The following ERAP1 variants were observed in gnomAD, a reference collection of about 807,000 sequenced individuals.
ERAP1 encodes the protein endoplasmic reticulum aminopeptidase 1.
Under a neutral mutation model 103.7 loss-of-function variants are expected in ERAP1, and 86 were observed. That is an observed-to-expected ratio of 0.83 (90% CI 0.70 to 0.99). ERAP1 has a LOEUF of 0.99. Among genes scored for constraint, ERAP1 ranks in the 50% least tolerant of loss-of-function variants. The pLI is 0.00. For synonymous variants in ERAP1, 398 were observed against 402.4 expected (o/e 0.99, Z 0.13); for missense variants, 1,009 against 1,128.4 (o/e 0.89, Z 1.52).
At chr5:96,826,939 T>C in the ERAP1 span, among the ~76,000 whole-genome samples, 1 of 152,236 alleles carries the variant, frequency 6.6e-6, no homozygotes, top group East Asian at 1.9e-4. Context: ...ATATTTTTAG[T>C]GCAAGGAATA....
At chr5:96,902,521 T>C in the ERAP1 span, 6 of 531,042 alleles carry the variant, frequency 1.1e-5, no homozygotes, top group Middle Eastern at 4.7e-4. Flanking sequence ...TAAGAAAATC[T>C]GGATTTTTCA....
the ERAP1 span, among the ~76,000 whole-genome samples, chr5:96,887,812 T>C: frequency 6.6e-6 from 1 of 151,944 alleles, no homozygotes; most frequent in African/African-American, 2.4e-5. Flanking sequence ...TTTTAAAGAG[T>C]TATAAAATAA....
chr5:96,909,173 G>A, the ERAP1 span: 2 of 1,556,062 alleles, frequency 1.3e-6, no homozygotes, highest in Non-Finnish European at 1.8e-6. Flanking sequence ...TGGAGTATCA[G>A]TCAGGCTCAG....
chr5:96,831,782 T>C, the ERAP1 span, among the ~76,000 whole-genome samples: 17,517 of 152,236 alleles, frequency 0.12, 1,295 homozygotes, highest in Middle Eastern at 0.24. Flanking sequence ...CATGGTGAAG[T>C]AGAGAAGCAG....
the ERAP1 span, among the ~76,000 whole-genome samples, chr5:96,933,293 T>C: frequency 1.7e-4 from 24 of 144,312 alleles, no homozygotes; most frequent in African/African-American, 5.6e-4. Flanking sequence ...TCTTGGTTCA[T>C]CACAACCTCC....
downstream of ERAP1, chr5:96,774,358 T>TTTAA: frequency 3.4e-6 from 1 of 294,018 alleles, no homozygotes; most frequent in Non-Finnish European, 5.1e-6. Context: ...TGCCTTCTTT[T>TTTAA]TTAATTAGAA....
At chr5:96,874,424 A>G in the ERAP1 span, among the ~76,000 whole-genome samples, 1 of 152,190 alleles carries the variant, frequency 6.6e-6, no homozygotes, top group South Asian at 2.1e-4. Context: ...GTGACAAGGA[A>G]TATCACAGAA....
chr5:96,817,910 G>A, the ERAP1 span, among the ~76,000 whole-genome samples: 5 of 152,338 alleles, frequency 3.3e-5, no homozygotes, highest in East Asian at 7.7e-4. Context: ...AAAATAAAGT[G>A]TTTGCTTTCC....
intron 19 of ERAP1, chr5:96,767,469 C>G (rs769258865): frequency 6.2e-7 from 1 of 1,612,444 alleles, no homozygotes; most frequent in Non-Finnish European, 8.5e-7. Context: ...ACAAAGAAAT[C>G]AGAGGATTCA....
At chr5:96,770,642 G>A, downstream of ERAP1, 1 of 1,270,028 alleles carries the variant, frequency 7.9e-7, no homozygotes, top group Non-Finnish European at 1.2e-6. Context: ...TAGTTTAGCA[G>A]TTACACAGAG....
the ERAP1 span, among the ~76,000 whole-genome samples, chr5:96,911,916 G>A: frequency 5.0e-5 from 7 of 140,152 alleles, no homozygotes; most frequent in East Asian, 4.2e-4. Context: ...ATGGCCGGGC[G>A]CGGTGGCTCA....
At chr5:96,883,757 T>G in the ERAP1 span, 1 of 1,588,694 alleles carries the variant, frequency 6.3e-7, no homozygotes, top group East Asian at 2.3e-5. Flanking sequence ...TTGATTTCAC[T>G]TGTGCATTTT....
In ERAP1 at chr5:96,788,415, A is replaced by G. The variant is rs1776338783; in HGVS notation, c.1679+116T>C. On this transcript the variant is annotated intron_variant, in intron 11 of 18. Coordinates refer to ENST00000443439, the MANE Select transcript of ERAP1 (RefSeq NM_001040458.3). ...TAAGTCAACTTCATAGGATACACAG[A>G]TGCAGCTGAAATATTTTAGCAATAG... is the stretch of plus-strand genomic sequence containing the variant. 22 of 1,256,236 alleles carry G rather than the reference A, an allele frequency of 1.8e-5. No individual in the cohort carries two copies. In the Admixed American group the frequency reaches 4.0e-4, roughly 23 times the overall value. 77.8% of individuals were successfully genotyped at this position (1,256,236 alleles called of 1,614,324 possible).
At chr5:96,830,243 A>G in the ERAP1 span, among the ~76,000 whole-genome samples, 2 of 152,222 alleles carry the variant, frequency 1.3e-5, no homozygotes, top group East Asian at 1.9e-4. Flanking sequence ...CAGAAATTAC[A>G]TGATGATTCG....
downstream of ERAP1, chr5:96,772,465 C>T (rs1283103047): frequency 6.6e-6 from 1 of 152,474 alleles, no homozygotes; most frequent in South Asian, 2.1e-4. Context: ...TAGAACTGCT[C>T]TAACATTTTT....
upstream of ERAP1, chr5:96,808,218 G>C (rs1234405571): frequency 5.1e-6 from 2 of 392,406 alleles, no homozygotes; most frequent in Non-Finnish European, 3.4e-6. Flanking sequence ...GTGTGTGTGT[G>C]TGTGTGTGTG....
the ERAP1 span, among the ~76,000 whole-genome samples, chr5:96,845,830 C>T: frequency 6.6e-6 from 1 of 152,124 alleles, no homozygotes; most frequent in Non-Finnish European, 1.5e-5. Context: ...CCTTCACATG[C>T]AAACTTTTGT....
At chr5:96,761,510 T>C (rs1338039671) in exon 20 of ERAP1, 1 of 152,260 alleles carries the variant, frequency 6.6e-6, no homozygotes, top group Non-Finnish European at 1.5e-5. Flanking sequence ...TAATGTGCTT[T>C]TCTCCATCTT....
At chr5:96,868,984 G>A in the ERAP1 span, among the ~76,000 whole-genome samples, 10 of 151,794 alleles carry the variant, frequency 6.6e-5, no homozygotes, top group African/African-American at 2.4e-4. Context: ...ATTGCTTTTT[G>A]GATTGTGTGA....
Sources: allele counts gnomAD v4.1 joint callset (sites outside exome capture counted in the v4.1 genomes callset), GRCh38; gene constraint gnomAD v4.1.1; transcripts MANE v1.5; gene names NCBI Gene and HGNC (gene_info 2026-07-23, HGNC 2026-07-21).